Variants in SYT9 observed in about 807,000 individuals in gnomAD.
SYT9 encodes synaptotagmin 9.
Under a neutral mutation model 48.4 loss-of-function variants are expected in SYT9, and 22 were observed. The observed-to-expected ratio is 0.45, with a 90% CI of 0.32 to 0.65. SYT9 has a LOEUF of 0.65. SYT9 is among the 30% of genes least tolerant of loss of function. The pLI is 0.03. For synonymous variants in SYT9, 265 were observed against 245.0 expected (o/e 1.08, Z -0.76); for missense variants, 577 against 622.0 (o/e 0.93, Z 0.77).
At chr11:7,373,726 G>A (rs1220132079) in intron 3 of SYT9, among the ~76,000 whole-genome samples, 2 of 152,020 alleles carry the variant, frequency 1.3e-5, no homozygotes, top group African/African-American at 4.8e-5. Flanking sequence ...ACATAACTCA[G>A]AATAATGCCT....
At chr11:7,409,484 T>C (rs1847091130) in intron 3 of SYT9, among the ~76,000 whole-genome samples, 1 of 152,100 alleles carries the variant, frequency 6.6e-6, no homozygotes, top group Non-Finnish European at 1.5e-5. Flanking sequence ...ATTTCAGCTG[T>C]TCATCCATCC....
intron 1 of SYT9, among the ~76,000 whole-genome samples, chr11:7,263,711 C>T (rs1848122383): frequency 6.6e-6 from 1 of 152,092 alleles, no homozygotes; most frequent in Non-Finnish European, 1.5e-5. Context: ...CAAGAACTGA[C>T]CATTGCATTT....
intron 3 of SYT9, among the ~76,000 whole-genome samples, chr11:7,357,353 G>A (rs922912075): frequency 6.6e-6 from 1 of 152,154 alleles, no homozygotes; most frequent in Non-Finnish European, 1.5e-5. Context: ...TAGCAAAAGA[G>A]AGCCAATATC....
At chr11:7,388,598 A>G (rs1276671986) in intron 3 of SYT9, among the ~76,000 whole-genome samples, 1 of 152,030 alleles carries the variant, frequency 6.6e-6, no homozygotes, top group African/African-American at 2.4e-5. Context: ...ATTTTGGGCT[A>G]TTTTATGCAT....
chr11:7,376,345 T>TTTCCTTCCTTCC (rs370224542), intron 3 of SYT9, among the ~76,000 whole-genome samples: 2,101 of 142,730 alleles, frequency 0.015, 33 homozygotes, highest in African/African-American at 0.04. Flanking sequence ...TCCCTCTTTC[T>TTTCCTTCCTTCC]TTCCTTCCTT....
rs537790998 is a variant in SYT9 at position 7,412,009 on chromosome 11, G to A, written c.1045-4033G>A. 2.0e-5 allele frequency among the ~76,000 whole-genome samples: 3 copies of A among 151,934 alleles called. No individual in the cohort carries two copies. In the East Asian group the frequency reaches 5.8e-4, roughly 29 times the overall value. On this transcript the variant is annotated intron_variant, in intron 3 of 6. Coordinates refer to ENST00000318881, the MANE Select transcript of SYT9 (RefSeq NM_175733.4). ...TTGTTGGAGGTTTTGACTGTATTTTGTATTTTATTCAATGAATTCTTCAGT... is the reference window on the plus strand; with the variant it reads ...TTGTTGGAGGTTTTGACTGTATTTTATATTTTATTCAATGAATTCTTCAGT...
intron 6 of SYT9, among the ~76,000 whole-genome samples, chr11:7,465,074 A>C (rs1412359502): frequency 1.3e-5 from 2 of 152,154 alleles, no homozygotes; most frequent in African/African-American, 4.8e-5. Context: ...GGGACAGAGC[A>C]AGACTCCATC....
chr11:7,369,909 T>A (rs1850331309), intron 3 of SYT9, among the ~76,000 whole-genome samples: 1 of 147,662 alleles, frequency 6.8e-6, no homozygotes, highest in Non-Finnish European at 1.5e-5. Context: ...CTTTATTTTA[T>A]TTTTCCATAA....
intron 3 of SYT9, among the ~76,000 whole-genome samples, chr11:7,368,380 G>A (rs71472643): frequency 0.14 from 21,803 of 152,052 alleles, 1,827 homozygotes; most frequent in South Asian, 0.23. Flanking sequence ...TTAAGTTCTG[G>A]GATACATGTG....
intron 3 of SYT9, among the ~76,000 whole-genome samples, chr11:7,354,861 T>C (rs1264643320): frequency 6.6e-6 from 1 of 152,090 alleles, no homozygotes; most frequent in Non-Finnish European, 1.5e-5. Flanking sequence ...TTTCACACAG[T>C]GATGGCATTG....
chr11:7,365,795 T>C (rs945786563), intron 3 of SYT9, among the ~76,000 whole-genome samples: 9 of 152,314 alleles, frequency 5.9e-5, no homozygotes, highest in African/African-American at 1.9e-4. Flanking sequence ...GACTTAAAAT[T>C]GTGAAATATG....
chr11:7,444,087 C>T (rs1847885079), intron 6 of SYT9: 1 of 152,224 alleles, frequency 6.6e-6, no homozygotes, highest in Non-Finnish European at 1.5e-5. Context: ...CCTCCATCCT[C>T]CCTGGGCTGA....
intron 3 of SYT9, among the ~76,000 whole-genome samples, chr11:7,365,868 C>G (rs1465667434): frequency 6.6e-6 from 1 of 152,214 alleles, no homozygotes; most frequent in African/African-American, 2.4e-5. Context: ...CAATCCTGCT[C>G]TAGCCACAAT....
chr11:7,320,202 A>G (rs535023080), intron 3 of SYT9, among the ~76,000 whole-genome samples: 7 of 152,316 alleles, frequency 4.6e-5, no homozygotes, highest in African/African-American at 1.7e-4. Flanking sequence ...AGCCAAATCA[A>G]AATTAAGACC....
intron 3 of SYT9, among the ~76,000 whole-genome samples, chr11:7,317,290 T>C (rs1849260208): frequency 6.6e-6 from 1 of 152,226 alleles, no homozygotes; most frequent in African/African-American, 2.4e-5. Flanking sequence ...TAGTGTTATA[T>C]AGGCATCATA....
intron 2 of SYT9, among the ~76,000 whole-genome samples, chr11:7,306,731 T>C (rs1176095120): frequency 6.6e-6 from 1 of 152,184 alleles, no homozygotes; most frequent in African/African-American, 2.4e-5. Context: ...CCATCTGAAG[T>C]CTGTGTTCTG....
intron 3 of SYT9, among the ~76,000 whole-genome samples, chr11:7,393,432 C>T (rs559912131): frequency 3.8e-4 from 57 of 151,838 alleles, no homozygotes; most frequent in Middle Eastern, 6.8e-3. Flanking sequence ...TTGAGCCAAC[C>T]TTATTCTGTG....
At chr11:7,274,382 A>G (rs1262285876) in intron 1 of SYT9, among the ~76,000 whole-genome samples, 1 of 145,386 alleles carries the variant, frequency 6.9e-6, no homozygotes, top group Non-Finnish European at 1.5e-5. Flanking sequence ...CAGTGGCACG[A>G]TCTTGGCTCA....
chr11:7,362,793 C>T lies in SYT9; in HGVS notation c.1044+48852C>T, dbSNP rs970319612. ...TAACATAGAACTAGATTTTAAAATC[C>T]AATCAGTTTCATCTTTTAATTGAAG... On this transcript the variant is annotated intron_variant, in intron 3 of 6. Coordinates refer to ENST00000318881, the MANE Select transcript of SYT9 (RefSeq NM_175733.4). 5.3e-5 allele frequency among the ~76,000 whole-genome samples: 8 copies of T among 151,960 alleles called. No individual in the cohort carries two copies. The East Asian group carries it at 1.2e-3, about 22-fold the overall frequency.
Sources: gnomAD v4.1 joint callset for allele counts (sites outside exome capture counted in the v4.1 genomes callset) on GRCh38, gnomAD v4.1.1 for gene constraint, MANE v1.5 for transcripts, NCBI Gene and HGNC (gene_info 2026-07-23, HGNC 2026-07-21) for gene names.